Variants in CCDC180 observed in about 807,000 individuals in gnomAD.
CCDC180 encodes coiled-coil domain containing 180.
In CCDC180, 154 loss-of-function variants were observed where a neutral mutation model predicts 209.2. That is an observed-to-expected ratio of 0.74 (90% CI 0.65 to 0.84). The LOEUF (loss-of-function observed/expected upper bound fraction) is 0.84. CCDC180 is among the 40% of genes least tolerant of loss of function. The probability of loss-of-function intolerance (pLI) is 0.00; values close to 1 mark genes in which losing one functional copy is unlikely to be tolerated. For missense variants in CCDC180, 1,874 were observed against 1,997.3 expected, an observed-to-expected ratio of 0.94 and a Z score of 1.18; for synonymous variants, 778 against 749.1, an observed-to-expected ratio of 1.04 and a Z score of -0.63.
rs767087302 is a variant in CCDC180, at chr9:97,361,848, G to A, written c.3606G>A (p.Gly1202=). 1.6e-5 allele frequency: 26 copies of A among 1,614,074 alleles called. No homozygotes were observed. The East Asian group carries it at 4.9e-4, about 30-fold the overall frequency. ...CCTTCACCCAGCTGAGCCGCGTGGG[G>A]AAGCCCCTGATTGAGGACCCAGCTG... ...PESFTQLSRV[G]KPLIEDPAVD... The change falls in exon 27 of 37, where the codon GGG becomes GGA. Residue 1202 remains glycine (G), a synonymous_variant. Transcript: ENST00000529487.
At chr9:97,323,555 C>T (rs983023460) in intron 12 of CCDC180, among the ~76,000 whole-genome samples, 7 of 152,188 alleles carry the variant, frequency 4.6e-5, no homozygotes, top group African/African-American at 1.4e-4. Flanking sequence ...GAAGCATGTT[C>T]GGCTGAGAGC....
intron 3 of CCDC180, 29 bp downstream of exon 3, chr9:97,309,633 C>T: frequency 1.3e-6 from 2 of 1,498,922 alleles, no homozygotes; most frequent in African/African-American, 1.5e-5. Context: ...GCCTCACCCC[C>T]ATGCACTAGG....
intron 32 of CCDC180, 64 bp downstream of exon 32, chr9:97,370,146 G>A (rs1827038683): frequency 6.5e-7 from 1 of 1,548,448 alleles, no homozygotes; most frequent in Non-Finnish European, 8.7e-7. Flanking sequence ...CAGAAATGGT[G>A]GCAGGTTGTG....
Position 97,314,428 on chromosome 9 carries a change from T to G in CCDC180, c.495T>G (p.Leu165=), listed in dbSNP as rs1833090409. The change falls in exon 6 of 37, where the codon CTT becomes CTG. Residue 165 remains leucine, a synonymous_variant. Coordinates refer to ENST00000529487, the MANE Select transcript of CCDC180 (RefSeq NM_020893.6). ...MEPLIVDTGG[L]FLKKLTESDE... is the part of the protein sequence containing the mutation. Reference sequence around the variant, plus strand: ...CTCTCATCGTGGACACAGGGGGACTTTTTTTGAAGAAGCTGACTGAGTCTG... The same window carrying G: ...CTCTCATCGTGGACACAGGGGGACTGTTTTTGAAGAAGCTGACTGAGTCTG... The G allele has an allele frequency of 6.2e-7, 1 of 1,614,026 alleles. No homozygotes were observed. The highest frequency in any genetic ancestry group is 8.5e-7 in the Non-Finnish European group (1 of 1,180,028).
chr9:97,320,987 GC>G (rs1833339111), intron 11 of CCDC180, among the ~76,000 whole-genome samples: 1 of 152,098 alleles, frequency 6.6e-6, no homozygotes. Context: ...TTTTCTGGGG[GC>G]TGTGGTGCCT....
At position 97,370,789 on chromosome 9, in the gene CCDC180, C is replaced by A. The variant is rs904401307; in HGVS notation, c.4488+11C>A. 2 of 1,612,970 alleles carry A rather than the reference C, an allele frequency of 1.2e-6. No individual in the cohort carries two copies. Among genetic ancestry groups the A allele is most frequent in the African/African-American group, 1.3e-5 (1 of 74,842 alleles). On this transcript the variant is annotated intron_variant, in intron 33 of 36. Transcript: ENST00000529487. ...AAGGAGAAGCTGGAGGTCAGTGATA[C>A]CATTGATTCGCCAGTCCAGGCATGC... is the stretch of plus-strand genomic sequence containing the variant.
intron 19 of CCDC180, among the ~76,000 whole-genome samples, chr9:97,345,216 A>G (rs977672978): frequency 1.3e-5 from 2 of 152,248 alleles, no homozygotes; most frequent in African/African-American, 4.8e-5. Context: ...TATAGAACTA[A>G]GAGTGGAACT....
intron 18 of CCDC180, 87 bp downstream of exon 18, chr9:97,330,854 C>T: frequency 8.2e-7 from 1 of 1,218,988 alleles, no homozygotes; most frequent in Admixed American, 2.2e-5. Flanking sequence ...CTGGGGTCTT[C>T]AGTGGCCCAG....
chr9:97,374,550 G>GC lies in CCDC180; in HGVS notation c.4614dup (p.Lys1539GlnfsTer22), dbSNP rs1423532083. The GC allele has an allele frequency of 1.9e-6, 3 of 1,613,464 alleles. No individual in the cohort carries two copies. The highest frequency in any genetic ancestry group is 1.3e-5 in the African/African-American group (1 of 74,914). ...CCTGTCTTTTGCCTCTAGGGATGGA[G>GC]CCCCCCAAACAGAAATTATCAATGC... On this transcript the variant is annotated frameshift_variant, in exon 35 of 37. Transcript: ENST00000529487. LOFTEE classifies it high-confidence loss of function.
In CCDC180 at chr9:97,314,453, G is replaced by A; in HGVS notation, c.520G>A (p.Asp174Asn). 6.2e-7 allele frequency: 1 copy of A among 1,614,124 alleles called. No individual in the cohort carries two copies. The highest frequency in any genetic ancestry group is 1.1e-5 in the South Asian group (1 of 91,078). The change falls in exon 6 of 37, where the codon GAT becomes AAT. Residue 174 changes from aspartate to asparagine, a missense_variant. By Grantham distance (23) the Asp-to-Asn change is conservative. Transcript: ENST00000529487. ...GLFLKKLTES[D>N]EEMNRLFLKV... Reference sequence around the variant, plus strand: ...TTTTTTGAAGAAGCTGACTGAGTCTGATGAAGAAATGAACCGTCTCTTCCT... The same window carrying A: ...TTTTTTGAAGAAGCTGACTGAGTCTAATGAAGAAATGAACCGTCTCTTCCT...
intron 18 of CCDC180, among the ~76,000 whole-genome samples, chr9:97,336,727 G>A (rs1044037630): frequency 2.0e-5 from 3 of 152,112 alleles, no homozygotes; most frequent in African/African-American, 7.2e-5. Flanking sequence ...GATGGGGATG[G>A]CATTGAATCT....
intron 22 of CCDC180, 119 bp from the exon 23 acceptor site, chr9:97,354,450 C>A: frequency 1.0e-6 from 1 of 982,324 alleles, no homozygotes; most frequent in East Asian, 2.4e-5. Flanking sequence ...TTCATTTTCC[C>A]ACATCTTGAA....
At chr9:97,333,328 C>G (rs913237347) in intron 18 of CCDC180, among the ~76,000 whole-genome samples, 1 of 151,982 alleles carries the variant, frequency 6.6e-6, no homozygotes, top group East Asian at 1.9e-4. Flanking sequence ...CTGAAATTTT[C>G]TTTGTTTGTT....
intron 18 of CCDC180, among the ~76,000 whole-genome samples, chr9:97,333,828 A>ATT (rs35239022): frequency 1.2e-4 from 18 of 148,068 alleles, no homozygotes; most frequent in South Asian, 4.3e-4. Flanking sequence ...ATTTTTAATT[A>ATT]TTTTTTTTTT....
chr9:97,327,101 G>A (rs1438449992), intron 15 of CCDC180, among the ~76,000 whole-genome samples: 5 of 152,156 alleles, frequency 3.3e-5, no homozygotes, highest in African/African-American at 9.6e-5. Flanking sequence ...CCCAGGAGAC[G>A]GAGGTTGCAG....
In CCDC180 at chr9:97,371,645, C is replaced by T. The variant is rs750216183; in HGVS notation, c.4539C>T (p.Phe1513=). ...GQVFITNLAT[F]TEKFLLQLDE... ...TTTTCATAACCAACTTGGCCACCTT[C>T]ACCGAGAAGTTCCTACTGCAGTTGG... Residue 1513 remains phenylalanine, a synonymous_variant, in exon 34 of 37, where the codon TTC becomes TTT. Transcript: ENST00000529487. 8 of 1,609,270 alleles carry T rather than the reference C, an allele frequency of 5.0e-6. No homozygotes were observed. The highest frequency in any genetic ancestry group is 6.0e-6 in the Non-Finnish European group (7 of 1,176,042).
chr9:97,334,758 G>A (rs1023413435), intron 18 of CCDC180, among the ~76,000 whole-genome samples: 5 of 152,028 alleles, frequency 3.3e-5, no homozygotes, highest in African/African-American at 4.8e-5. Context: ...GGTAACATAA[G>A]GAACAAAATC....
At chr9:97,309,773 C>T (rs1832920687) in intron 3 of CCDC180, among the ~76,000 whole-genome samples, 169 bp downstream of exon 3, 1 of 152,130 alleles carries the variant, frequency 6.6e-6, no homozygotes, top group South Asian at 2.1e-4. Flanking sequence ...CTTCTCTCGC[C>T]CCCATTCCCC....
chr9:97,318,818 G>A (rs1234251305), intron 10 of CCDC180, among the ~76,000 whole-genome samples: 2 of 152,202 alleles, frequency 1.3e-5, no homozygotes, highest in Non-Finnish European at 2.9e-5. Flanking sequence ...AAGAAACAAT[G>A]AACGGGGGTG....
Sources: gnomAD v4.1 joint callset for allele counts (sites outside exome capture counted in the v4.1 genomes callset) on GRCh38, gnomAD v4.1.1 for gene constraint, MANE v1.5 for transcripts, NCBI Gene and HGNC (gene_info 2026-07-23, HGNC 2026-07-21) for gene names.